Variants in FAM227B observed in about 807,000 individuals in gnomAD.
FAM227B encodes family with sequence similarity 227 member B.
In FAM227B, 88 loss-of-function variants were observed where a neutral mutation model predicts 73.8. That is an observed-to-expected ratio of 1.19 (90% CI 1.00 to 1.42). The LOEUF is 1.42. Ranked by LOEUF, FAM227B falls within the 40% of genes most tolerant of loss-of-function variation. The pLI is 0.00. For synonymous variants in FAM227B, 210 were observed against 190.5 expected (o/e 1.10, Z -0.84); for missense variants, 632 against 590.9 (o/e 1.07, Z -0.72).
At chr15:49,582,337 T>C (rs994857651) in intron 5 of FAM227B, among the ~76,000 whole-genome samples, 1 of 152,158 alleles carries the variant, frequency 6.6e-6, no homozygotes, top group Non-Finnish European at 1.5e-5. Flanking sequence ...GCAATCCTAA[T>C]TGCAGACAAA....
intron 14 of FAM227B, 47 bp downstream of exon 14, chr15:49,335,372 T>C (rs1217129865): frequency 3.9e-6 from 5 of 1,282,940 alleles, no homozygotes; most frequent in Non-Finnish European, 5.6e-6. Flanking sequence ...TTTCCAGTTC[T>C]AAAAAAGTAT....
At chr15:49,366,361 A>G (rs2045189818) in intron 13 of FAM227B, 3 of 787,196 alleles carry the variant, frequency 3.8e-6, no homozygotes, top group Non-Finnish European at 7.0e-6. Context: ...TTGCTTCAGC[A>G]CCTCTTTTCT....
chr15:49,523,785 T>G (rs771966119), intron 10 of FAM227B, among the ~76,000 whole-genome samples: 6 of 152,206 alleles, frequency 3.9e-5, no homozygotes, highest in Non-Finnish European at 8.8e-5. Flanking sequence ...CAGTCTGAAG[T>G]GGTCTCAGAT....
chr15:49,385,146 G>A (rs1357618083), intron 11 of FAM227B, among the ~76,000 whole-genome samples: 2 of 151,802 alleles, frequency 1.3e-5, no homozygotes, highest in African/African-American at 2.4e-5. Context: ...TATCAGGGCA[G>A]GTTTTCTCCT....
chr15:49,576,843 A>T lies in FAM227B; in HGVS notation c.444T>A (p.Gly148=). Residue 148 remains glycine (G), a splice_region_variant and synonymous_variant, in exon 7 of 16, where the codon GGT becomes GGA. Transcript: ENST00000299338. The stretch of plus-strand genomic sequence containing the variant: ...TTGCTTTGAATCCTGTGAAGCTGCA[A>T]CCCTAGAAAGAGGAAAATATAACAG... ...DEMETEKNIE[G]CSFTGFKANE... 6.2e-7 allele frequency: 1 copy of T among 1,601,514 alleles called. No individual in the cohort carries two copies. Among genetic ancestry groups the T allele is most frequent in the East Asian group, 2.2e-5 (1 of 44,768 alleles).
chr15:49,395,814 T>C (rs1476626605), intron 11 of FAM227B, among the ~76,000 whole-genome samples: 2 of 152,192 alleles, frequency 1.3e-5, no homozygotes, highest in Non-Finnish European at 2.9e-5. Context: ...AGATGTGTGG[T>C]ATCGAAGTTT....
intron 11 of FAM227B, among the ~76,000 whole-genome samples, chr15:49,375,454 C>T (rs2046098572): frequency 6.6e-6 from 1 of 152,002 alleles, no homozygotes; most frequent in Non-Finnish European, 1.5e-5. Context: ...AATCATTGCT[C>T]AGGCAAGTTA....
At chr15:49,385,405 C>T (rs965948335) in intron 11 of FAM227B, among the ~76,000 whole-genome samples, 3 of 151,720 alleles carry the variant, frequency 2.0e-5, no homozygotes, top group Non-Finnish European at 2.9e-5. Context: ...ACCTTATAAA[C>T]TTGGTAAGTG....
At chr15:49,533,534 T>G (rs1285107095) in intron 10 of FAM227B, among the ~76,000 whole-genome samples, 1 of 151,912 alleles carries the variant, frequency 6.6e-6, no homozygotes, top group East Asian at 1.9e-4. Context: ...AATATTTGCT[T>G]TATATATTTA....
chr15:49,444,850 T>C (rs1461333875), intron 11 of FAM227B, among the ~76,000 whole-genome samples: 1 of 151,762 alleles, frequency 6.6e-6, no homozygotes, highest in African/African-American at 2.4e-5. Flanking sequence ...AAAATAAATT[T>C]ACAACCTAAT....
chr15:49,365,295 C>G, intron 13 of FAM227B: 1 of 1,543,306 alleles, frequency 6.5e-7, no homozygotes, highest in South Asian at 1.1e-5. Flanking sequence ...TAGAGGAGAG[C>G]AGGTTGCCCC....
chr15:49,349,151 C>G (rs1261376603), intron 13 of FAM227B, among the ~76,000 whole-genome samples: 1 of 152,104 alleles, frequency 6.6e-6, no homozygotes, highest in Non-Finnish European at 1.5e-5. Flanking sequence ...AAATCCCTAA[C>G]TAGAACTTAA....
intron 11 of FAM227B, among the ~76,000 whole-genome samples, chr15:49,442,539 A>T (rs1283440492): frequency 6.6e-6 from 1 of 151,444 alleles, no homozygotes; most frequent in Non-Finnish European, 1.5e-5. Flanking sequence ...CTATTATATT[A>T]CCTCTTTTCC....
chr15:49,463,751 T>C (rs954406497), intron 11 of FAM227B, among the ~76,000 whole-genome samples: 5 of 152,198 alleles, frequency 3.3e-5, no homozygotes, highest in Non-Finnish European at 5.9e-5. Flanking sequence ...TCTGTTTCAC[T>C]ACTATGCTGC....
intron 2 of FAM227B, among the ~76,000 whole-genome samples, chr15:49,611,961 T>A (rs2077952500): frequency 6.6e-6 from 1 of 152,066 alleles, no homozygotes; most frequent in South Asian, 2.1e-4. Flanking sequence ...CCCCCAAAGT[T>A]TTCTCCGTGG....
intron 8 of FAM227B, among the ~76,000 whole-genome samples, chr15:49,571,215 A>G (rs1425516036): frequency 1.3e-5 from 2 of 151,804 alleles, no homozygotes; most frequent in African/African-American, 4.8e-5. Flanking sequence ...TTTTCCTGCT[A>G]TTAAATTGTT....
intron 11 of FAM227B, among the ~76,000 whole-genome samples, chr15:49,381,015 G>A (rs2046496235): frequency 6.6e-6 from 1 of 152,144 alleles, no homozygotes; most frequent in South Asian, 2.1e-4. Context: ...GTGGTAAAAG[G>A]CAAAGGAGGA....
chr15:49,425,412 A>G (rs2050039236), intron 11 of FAM227B: 1 of 152,080 alleles, frequency 6.6e-6, no homozygotes, highest in African/African-American at 2.4e-5. Context: ...CAACTTCAAT[A>G]GTATTAAATG....
intron 9 of FAM227B, among the ~76,000 whole-genome samples, chr15:49,548,710 T>G (rs890667393): frequency 3.9e-5 from 6 of 152,228 alleles, no homozygotes; most frequent in African/African-American, 1.4e-4. Flanking sequence ...TTACTTGGTT[T>G]GTTCAGGATT....
Sources: gnomAD v4.1 joint callset for allele counts (sites outside exome capture counted in the v4.1 genomes callset) on GRCh38, gnomAD v4.1.1 for gene constraint, MANE v1.5 for transcripts, NCBI Gene and HGNC (gene_info 2026-07-23, HGNC 2026-07-21) for gene names.